The following ZNF740 variants were observed in gnomAD, a reference collection of about 807,000 sequenced individuals.
ZNF740 encodes the protein oriLyt TD-element-binding protein 7.
A neutral mutation model predicts 24.8 loss-of-function variants in ZNF740; 14 were observed. The ratio of observed to expected loss-of-function variants is 0.56; its 90% CI spans 0.37 to 0.88. The LOEUF is 0.88. Among genes scored for constraint, ZNF740 ranks in the 40% least tolerant of loss-of-function variants. ZNF740 has a pLI of 0.00. For synonymous variants in ZNF740, 69 were observed against 84.0 expected (o/e 0.82, Z 0.98); for missense variants, 201 against 247.9 (o/e 0.81, Z 1.27).
chr12:53,182,239 G>T, intron 2 of ZNF740: 1 of 547,146 alleles, frequency 1.8e-6, no homozygotes, highest in South Asian at 2.4e-5. Flanking sequence ...GCAAAGCAAC[G>T]TGTACTCAGT....
chr12:53,193,153 G>A lies in ZNF740; in HGVS notation c.*5563G>A, dbSNP rs370319146. 1 of 1,610,670 alleles carries A rather than the reference G, an allele frequency of 6.2e-7. No homozygotes were observed. Among genetic ancestry groups the A allele is most frequent in the Non-Finnish European group, 8.5e-7 (1 of 1,177,380 alleles). On this transcript the variant is annotated 3_prime_UTR_variant, in exon 7 of 7. Transcript: ENST00000416904. ...GGCTCCAGGTACCTCCGCAGAGGAT[G>A]CCCTCATGTCGCTCACAGCTGGCAT...
Position 53,190,287 on chromosome 12 carries a change from C to T in ZNF740, c.*2697C>T, listed in dbSNP as rs1442873312. On this transcript the variant is annotated 3_prime_UTR_variant, in exon 7 of 7. Transcript: ENST00000416904. ...TGCAGAGGCTCCTGGGCCCAATGCCCGACCCCTGCTGGCCAGCATGGGGCC... is the reference window on the plus strand; with the variant it reads ...TGCAGAGGCTCCTGGGCCCAATGCCTGACCCCTGCTGGCCAGCATGGGGCC... The T allele has an allele frequency of 6.5e-6, 1 of 152,686 alleles. No homozygotes were observed. The highest frequency in any genetic ancestry group is 1.5e-5 in the Non-Finnish European group (1 of 68,090). The allele number at this position is 152,686 out of a possible 1,614,324, so 9.5% of individuals were successfully genotyped here. A position where few individuals can be genotyped will look rare whatever the true frequency, so the allele number is the denominator to read the frequency against.
At position 53,190,787 on chromosome 12, in the gene ZNF740, T is replaced by C. The variant is rs1367859237; in HGVS notation, c.*3197T>C. On this transcript the variant is annotated 3_prime_UTR_variant, in exon 7 of 7. Coordinates refer to ENST00000416904, the MANE Select transcript of ZNF740 (RefSeq NM_001004304.4). ...TAAGATGTTATAAACTTGTATCTTT[T>C]TACCATTAAAGTGCAGTGTATGTTC... is the stretch of plus-strand genomic sequence containing the variant. 1 of 152,150 alleles carries C rather than the reference T, an allele frequency of 6.6e-6. No homozygotes were observed. Among genetic ancestry groups the C allele is most frequent in the East Asian group, 1.9e-4 (1 of 5,194 alleles). 9.4% of individuals were successfully genotyped at this position (152,150 alleles called of 1,614,324 possible). A position where few individuals can be genotyped will look rare whatever the true frequency, so the allele number is the denominator to read the frequency against.
In ZNF740 at chr12:53,185,341, A is replaced by T. The variant is rs560348884; in HGVS notation, c.160-46A>T. 1.6e-5 allele frequency: 26 copies of T among 1,588,074 alleles called. No individual in the cohort carries two copies. In the South Asian group the frequency reaches 2.2e-4, roughly 14 times the overall value. On this transcript the variant is annotated intron_variant, in intron 3 of 6. Coordinates refer to ENST00000416904, the MANE Select transcript of ZNF740 (RefSeq NM_001004304.4). ...TGAGAGCTGCATTGGGTCTCATCTCATGTTCCGAGATGGGCTATGAGTTTA... is the reference window on the plus strand; with the variant it reads ...TGAGAGCTGCATTGGGTCTCATCTCTTGTTCCGAGATGGGCTATGAGTTTA...
In ZNF740 at chr12:53,192,517, G is replaced by A. The variant is rs112684199; in HGVS notation, c.*4927G>A. The A allele has an allele frequency of 8.4e-4, 1,354 of 1,614,064 alleles. 13 individuals carry two copies. The African/African-American group carries it at 0.017, about 20-fold the overall frequency. On this transcript the variant is annotated 3_prime_UTR_variant, in exon 7 of 7. Coordinates refer to ENST00000416904, the MANE Select transcript of ZNF740 (RefSeq NM_001004304.4). ...TGGTGGCCAGTGGGCCAGTCCTGAA[G>A]GCCCCACACTCTGCACAGTCCCTGT...
chr12:53,187,804 A>G lies in ZNF740; in HGVS notation c.*214A>G. 1.8e-6 allele frequency: 1 copy of G among 547,304 alleles called. No individual in the cohort carries two copies. Among genetic ancestry groups the G allele is most frequent in the South Asian group, 2.0e-5 (1 of 49,634 alleles). The allele number at this position is 547,304 out of a possible 1,614,324, so 33.9% of individuals were successfully genotyped here. ...CTATGAGTATCTCGGGGAAGTTCTT[A>G]CAGCATTCCTGGGTAGGGGAGCTAG... On this transcript the variant is annotated 3_prime_UTR_variant, in exon 7 of 7. Transcript: ENST00000416904.
rs904700206 is a variant in ZNF740, at chr12:53,189,968, T to C, written c.*2378T>C. 6.1e-5 allele frequency: 9 copies of C among 146,482 alleles called. No homozygotes were observed. Among genetic ancestry groups the C allele is most frequent in the African/African-American group, 2.3e-4 (9 of 39,546 alleles). 9.1% of individuals were successfully genotyped at this position (146,482 alleles called of 1,614,324 possible). ...TGACCTGTGCCCCTATGTGTACTAA[T>C]GTGTGTACTGGGTCAGAAGGTGCCC... is the stretch of plus-strand genomic sequence containing the variant. On this transcript the variant is annotated 3_prime_UTR_variant, in exon 7 of 7. Coordinates refer to ENST00000416904, the MANE Select transcript of ZNF740 (RefSeq NM_001004304.4).
rs138408570 is a variant in ZNF740, at chr12:53,190,537, G to A, written c.*2947G>A. On this transcript the variant is annotated 3_prime_UTR_variant, in exon 7 of 7. Coordinates refer to ENST00000416904, the MANE Select transcript of ZNF740 (RefSeq NM_001004304.4). Reference sequence around the variant, plus strand: ...TTGTCATCACTTAGCTACTGATCACGCCCATGGCTTGACATTGGAGGGTTA... The same window carrying A: ...TTGTCATCACTTAGCTACTGATCACACCCATGGCTTGACATTGGAGGGTTA... 7 of 152,718 alleles carry A rather than the reference G, an allele frequency of 4.6e-5. No homozygotes were observed. The highest frequency in any genetic ancestry group is 2.1e-4 in the South Asian group (1 of 4,818). The allele number at this position is 152,718 out of a possible 1,614,324, so 9.5% of individuals were successfully genotyped here.
At position 53,184,871 on chromosome 12, in the gene ZNF740, C is replaced by T. The variant is rs1825093810; in HGVS notation, c.10-20C>T. The stretch of plus-strand genomic sequence containing the variant: ...CCTGCCCTGCCAGGTGACCTGACAC[C>T]TCATCTCCTTTCAACTTAGGCAAGT... On this transcript the variant is annotated intron_variant, in intron 2 of 6. Transcript: ENST00000416904. 2 of 1,606,716 alleles carry T rather than the reference C, an allele frequency of 1.2e-6. No individual in the cohort carries two copies. The highest frequency in any genetic ancestry group is 1.7e-6 in the Non-Finnish European group (2 of 1,176,314).
chr12:53,192,865 C>A lies in ZNF740; in HGVS notation c.*5275C>A, dbSNP rs139299757. 7 of 1,614,078 alleles carry A rather than the reference C, an allele frequency of 4.3e-6. No individual in the cohort carries two copies. The South Asian group carries it at 7.7e-5, about 18-fold the overall frequency. ...ACTGCATTCGCATGCTCTGCCCGTG[C>A]GGTTGGCATGACAGTGACATACTCC... is the stretch of plus-strand genomic sequence containing the variant. On this transcript the variant is annotated 3_prime_UTR_variant, in exon 7 of 7. Transcript: ENST00000416904.
At chr12:53,185,608 C>T (rs777141965) in intron 4 of ZNF740, 132 bp downstream of exon 4, 6 of 818,552 alleles carry the variant, frequency 7.3e-6, no homozygotes, top group Non-Finnish European at 1.2e-5. Context: ...AGTGAGTCCC[C>T]CAGATTTCAT....
chr12:53,193,138 A>C lies in ZNF740; in HGVS notation c.*5548A>C. On this transcript the variant is annotated 3_prime_UTR_variant, in exon 7 of 7. Transcript: ENST00000416904. ...CGCCCTTCTCCCCAAGGCTCCAGGTACCTCCGCAGAGGATGCCCTCATGTC... is the reference window on the plus strand; with the variant it reads ...CGCCCTTCTCCCCAAGGCTCCAGGTCCCTCCGCAGAGGATGCCCTCATGTC... 1 of 1,601,546 alleles carries C rather than the reference A, an allele frequency of 6.2e-7. No individual in the cohort carries two copies. Among genetic ancestry groups the C allele is most frequent in the African/African-American group, 1.3e-5 (1 of 74,782 alleles).
In ZNF740 at chr12:53,191,540, A is replaced by C. The variant is rs758333997; in HGVS notation, c.*3950A>C. On this transcript the variant is annotated 3_prime_UTR_variant, in exon 7 of 7. Transcript: ENST00000416904. ...CCTCCAAGGAGAAGAGCCTTGGGTA[A>C]GTGTCCCTCCCTCCTTCAGAGAGTG... 6.3e-7 allele frequency: 1 copy of C among 1,594,206 alleles called. No homozygotes were observed. Among genetic ancestry groups the C allele is most frequent in the Non-Finnish European group, 8.6e-7 (1 of 1,161,892 alleles).
In ZNF740 at chr12:53,191,234, A is replaced by G. The variant is rs1941931902; in HGVS notation, c.*3644A>G. 1 of 335,368 alleles carries G rather than the reference A, an allele frequency of 3.0e-6. No homozygotes were observed. Among genetic ancestry groups the G allele is most frequent in the African/African-American group, 2.1e-5 (1 of 47,650 alleles). The allele number at this position is 335,368 out of a possible 1,614,324, so 20.8% of individuals were successfully genotyped here. On this transcript the variant is annotated 3_prime_UTR_variant, in exon 7 of 7. Transcript: ENST00000416904. The stretch of plus-strand genomic sequence containing the variant: ...CACCTCTCCCTGCCCTCAGGTGGCA[A>G]GAGGAGGATGGACAAGAGCTTTCCC...
chr12:53,183,537 G>A (rs958708642), intron 2 of ZNF740, among the ~76,000 whole-genome samples: 13 of 152,122 alleles, frequency 8.5e-5, no homozygotes, highest in East Asian at 1.9e-4. Flanking sequence ...CCGGCTAACC[G>A]AAGTCAGTTT....
intron 2 of ZNF740, 129 bp from the exon 3 acceptor site, chr12:53,184,762 G>T: frequency 3.7e-6 from 4 of 1,085,824 alleles, no homozygotes; most frequent in Non-Finnish European, 4.0e-6. Flanking sequence ...GGCTTTGGCA[G>T]TGAGGAGGGA....
In ZNF740 at chr12:53,193,423, C is replaced by A; in HGVS notation, c.*5833C>A. 1 of 1,270,314 alleles carries A rather than the reference C, an allele frequency of 7.9e-7. No homozygotes were observed. Among genetic ancestry groups the A allele is most frequent in the Non-Finnish European group, 1.1e-6 (1 of 933,506 alleles). The allele number at this position is 1,270,314 out of a possible 1,614,324, so 78.7% of individuals were successfully genotyped here. A position where few individuals can be genotyped will look rare whatever the true frequency, so the allele number is the denominator to read the frequency against. The stretch of plus-strand genomic sequence containing the variant: ...GAGGGTTTGATCACCCCTGACTTGT[C>A]TCTCCCAGGAACCTCTAAACCCAAG... On this transcript the variant is annotated 3_prime_UTR_variant, in exon 7 of 7. Coordinates refer to ENST00000416904, the MANE Select transcript of ZNF740 (RefSeq NM_001004304.4).
In ZNF740 at chr12:53,187,897, C is replaced by A; in HGVS notation, c.*307C>A. On this transcript the variant is annotated 3_prime_UTR_variant, in exon 7 of 7. Transcript: ENST00000416904. ...ACAGGACCAAGACTGAAGTGTGGCT[C>A]CCACAACCTTGGACTCCAGCTGGCA... is the stretch of plus-strand genomic sequence containing the variant. 1 of 324,302 alleles carries A rather than the reference C, an allele frequency of 3.1e-6. No homozygotes were observed. Among genetic ancestry groups the A allele is most frequent in the Non-Finnish European group, 5.8e-6 (1 of 173,442 alleles). 20.1% of individuals were successfully genotyped at this position (324,302 alleles called of 1,614,324 possible). A position where few individuals can be genotyped will look rare whatever the true frequency, so the allele number is the denominator to read the frequency against.
At chr12:53,183,774 A>G (rs1941755686) in intron 2 of ZNF740, among the ~76,000 whole-genome samples, 1 of 152,188 alleles carries the variant, frequency 6.6e-6, no homozygotes, top group Non-Finnish European at 1.5e-5. Context: ...CTGTAGTCCC[A>G]GGACCTTAGG....
Sources: allele counts gnomAD v4.1 joint callset (sites outside exome capture counted in the v4.1 genomes callset), GRCh38; gene constraint gnomAD v4.1.1; transcripts MANE v1.5; gene names NCBI Gene and HGNC (gene_info 2026-07-23, HGNC 2026-07-21).